TEAD4: variants seen among roughly 807,000 people sequenced by gnomAD.
TEAD4 encodes the protein transcriptional enhancer factor TEF-3.
In TEAD4, 36 loss-of-function variants were observed where a neutral mutation model predicts 52.4. The observed-to-expected ratio is 0.69, with a 90% CI of 0.53 to 0.91. TEAD4 has a LOEUF of 0.91. Ranked by LOEUF, TEAD4 falls within the 40% of genes least tolerant of loss-of-function variation. TEAD4 has a pLI of 0.00. For missense variants in TEAD4, 508 were observed against 583.9 expected (o/e 0.87, Z 1.34); for synonymous variants, 220 against 231.0 (o/e 0.95, Z 0.43).
rs1291388277 is a variant in TEAD4 at position 3,011,031 on chromosome 12, T to C, written c.254T>C (p.Ile85Thr). ...CGGAACGAGCTGATTGCCCGCTACA[T>C]CAAGCTCCGGACAGGGAAGACCCGC... Residue 85 changes from isoleucine (I) to threonine (T), a missense_variant, in exon 4 of 13, where the codon ATC becomes ACC. Ile to Thr is a moderately conservative substitution (Grantham distance 89, BLOSUM62 -1). Transcript: ENST00000359864. 6.2e-7 allele frequency: 1 copy of C among 1,613,920 alleles called. No individual in the cohort carries two copies. The highest frequency in any genetic ancestry group is 8.5e-7 in the Non-Finnish European group (1 of 1,180,000).
intron 2 of TEAD4, among the ~76,000 whole-genome samples, chr12:2,976,279 T>C (rs2098229589): frequency 6.6e-6 from 1 of 152,006 alleles, no homozygotes; most frequent in Admixed American, 6.6e-5. Context: ...CCCAAAGTGC[T>C]GGGATTACAG....
rs192357977 is a variant in TEAD4 at position 3,029,527 on chromosome 12, C to T, written c.897+7510C>T. On this transcript the variant is annotated intron_variant, in intron 10 of 12. Coordinates refer to ENST00000359864, the MANE Select transcript of TEAD4 (RefSeq NM_003213.4). The stretch of plus-strand genomic sequence containing the variant: ...TGCTGGGATTACAGGCGTGAGCCAC[C>T]GCGCCCGGCCCAAGTTTTTATTTTT... 8.6e-3 allele frequency among the ~76,000 whole-genome samples: 1,311 copies of T among 152,052 alleles called. 12 individuals carry two copies. The highest frequency in any genetic ancestry group is 0.018 in the African/African-American group (753 of 41,472).
intron 2 of TEAD4, among the ~76,000 whole-genome samples, chr12:2,963,211 C>T (rs535274397): frequency 1.3e-5 from 2 of 152,316 alleles, no homozygotes; most frequent in South Asian, 4.1e-4. Flanking sequence ...ATGTCACAAC[C>T]TCCTTTGATT....
chr12:2,984,995 G>A (rs1032697358), intron 2 of TEAD4, among the ~76,000 whole-genome samples: 2 of 152,130 alleles, frequency 1.3e-5, no homozygotes, highest in Non-Finnish European at 2.9e-5. Flanking sequence ...CTTAGGCTAC[G>A]CTAAATGTAT....
At chr12:3,026,351 A>G (rs1192518871) in intron 10 of TEAD4, among the ~76,000 whole-genome samples, 1 of 152,268 alleles carries the variant, frequency 6.6e-6, no homozygotes, top group Non-Finnish European at 1.5e-5. Context: ...ACCCCAAAGA[A>G]ACAGTGGCAT....
intron 2 of TEAD4, among the ~76,000 whole-genome samples, chr12:2,991,870 G>T (rs1378658188): frequency 1.3e-5 from 2 of 151,984 alleles, no homozygotes; most frequent in African/African-American, 4.8e-5. Flanking sequence ...ACTCTGAAGG[G>T]CTGAGAACAA....
intron 2 of TEAD4, among the ~76,000 whole-genome samples, chr12:2,979,681 T>C (rs1028908115): frequency 7.2e-5 from 11 of 152,208 alleles, no homozygotes; most frequent in Non-Finnish European, 1.6e-4. Flanking sequence ...GGATTGACTG[T>C]ACTTGCATCT....
intron 5 of TEAD4, among the ~76,000 whole-genome samples, chr12:3,016,255 T>G (rs1322643181): frequency 6.6e-6 from 1 of 152,126 alleles, no homozygotes; most frequent in Non-Finnish European, 1.5e-5. Context: ...CTAGAACTCC[T>G]GGGCTCAAGC....
intron 4 of TEAD4, 139 bp downstream of exon 4, chr12:3,011,207 G>A (rs1481756959): frequency 1.6e-5 from 12 of 747,290 alleles, no homozygotes; most frequent in Middle Eastern, 3.8e-4. Flanking sequence ...CCTGTTGGGC[G>A]TGTCACAGGT....
chr12:3,010,636 C>T (rs2098259516), intron 3 of TEAD4, among the ~76,000 whole-genome samples: 1 of 152,172 alleles, frequency 6.6e-6, no homozygotes, highest in African/African-American at 2.4e-5. Context: ...CTGGAGCCTC[C>T]CAAGTGTGAA....
chr12:2,969,061 G>A (rs2098222936), intron 2 of TEAD4, among the ~76,000 whole-genome samples: 1 of 152,202 alleles, frequency 6.6e-6, no homozygotes, highest in Admixed American at 6.5e-5. Context: ...AGCAGTAGCA[G>A]GTTAGGTCCA....
At chr12:3,020,087 C>T (rs1230739628) in intron 8 of TEAD4, among the ~76,000 whole-genome samples, 1 of 152,146 alleles carries the variant, frequency 6.6e-6, no homozygotes, top group African/African-American at 2.4e-5. Flanking sequence ...CCCCTGGTGC[C>T]TTCAGGACAC....
At chr12:2,964,832 G>A (rs1405112795) in intron 2 of TEAD4, among the ~76,000 whole-genome samples, 2 of 152,032 alleles carry the variant, frequency 1.3e-5, no homozygotes, top group Non-Finnish European at 1.5e-5. Flanking sequence ...TTCTGGAGGC[G>A]GAGGACTCTT....
chr12:2,976,165 C>G (rs969108914), intron 2 of TEAD4, among the ~76,000 whole-genome samples: 2 of 151,966 alleles, frequency 1.3e-5, no homozygotes, highest in African/African-American at 2.4e-5. Context: ...GCCACCATGC[C>G]CGGCTAATTT....
intron 10 of TEAD4, among the ~76,000 whole-genome samples, chr12:3,034,831 C>G (rs758258884): frequency 6.6e-6 from 1 of 152,052 alleles, no homozygotes; most frequent in Non-Finnish European, 1.5e-5. Flanking sequence ...CGGTGGCTCA[C>G]GCCTATAATC....
intron 10 of TEAD4, 75 bp downstream of exon 10, chr12:3,022,092 A>AGT: frequency 6.4e-7 from 1 of 1,559,652 alleles, no homozygotes; most frequent in East Asian, 2.2e-5. Flanking sequence ...GAGTGCCCAG[A>AGT]GTGTGCCCTT....
chr12:2,960,348 C>CT, intron 2 of TEAD4: 1 of 985,614 alleles, frequency 1.0e-6, no homozygotes, highest in Non-Finnish European at 1.2e-6. Context: ...AGGGAGAGAC[C>CT]TGGAGGTAAG....
intron 2 of TEAD4, among the ~76,000 whole-genome samples, chr12:2,989,708 G>A (rs2098241560): frequency 6.6e-6 from 1 of 152,150 alleles, no homozygotes; most frequent in African/African-American, 2.4e-5. Context: ...CCAAAGTGCT[G>A]GGATTACAGG....
intron 10 of TEAD4, 128 bp from the exon 11 acceptor site, chr12:3,037,837 CCTA>C: frequency 9.1e-7 from 1 of 1,103,224 alleles, no homozygotes; most frequent in Non-Finnish European, 1.3e-6. Flanking sequence ...TTTCTGGCGT[CCTA>C]CTGTCTACCC....
Sources: allele counts gnomAD v4.1 joint callset (sites outside exome capture counted in the v4.1 genomes callset), GRCh38; gene constraint gnomAD v4.1.1; transcripts MANE v1.5; gene names NCBI Gene and HGNC (gene_info 2026-07-23, HGNC 2026-07-21).